The following KIAA1328 variants were observed in gnomAD, a reference collection of about 807,000 sequenced individuals.
The protein encoded by KIAA1328 is KIAA1328.
A neutral mutation model predicts 68.1 loss-of-function variants in KIAA1328; 52 were observed. That is an observed-to-expected ratio of 0.76 (90% confidence interval 0.61 to 0.96). The LOEUF (loss-of-function observed/expected upper bound fraction) is 0.96. Among genes scored for constraint, KIAA1328 ranks in the 40% least tolerant of loss-of-function variants. The pLI, the probability that KIAA1328 is intolerant of heterozygous loss-of-function variation, is 0.00. For synonymous variants in KIAA1328, 232 were observed against 239.4 expected (o/e 0.97, Z 0.28); for missense variants, 641 against 677.6 (o/e 0.95, Z 0.60).
rs770737496 is a variant in KIAA1328, at chr18:37,122,441, TAAGTC to T, written c.1233-37754_1233-37750del. Among the ~76,000 whole-genome samples, 25 of 152,134 alleles carry T rather than the reference TAAGTC, an allele frequency of 1.6e-4. No individual in the cohort carries two copies. The East Asian group carries it at 2.1e-3, about 13-fold the overall frequency. ...ACTTAGAGTCAAAGGTGGGTTTTGT[TAAGTC>T]AAGTAAGTCACAAAGATATTTAAAT... On this transcript the variant is annotated intron_variant, in intron 7 of 9. Transcript: ENST00000280020.
intron 5 of KIAA1328, among the ~76,000 whole-genome samples, chr18:36,887,169 A>G (rs73417113): frequency 0.031 from 4,659 of 150,964 alleles, 256 homozygotes; most frequent in African/African-American, 0.11. Flanking sequence ...TTGACCCTCA[A>G]GATAGTCTTC....
chr18:36,969,141 G>C (rs2052065739), intron 6 of KIAA1328, among the ~76,000 whole-genome samples: 1 of 152,138 alleles, frequency 6.6e-6, no homozygotes, highest in Non-Finnish European at 1.5e-5. Flanking sequence ...CTAAGGCAGT[G>C]TTAAAAGGGA....
intron 7 of KIAA1328, among the ~76,000 whole-genome samples, chr18:37,114,344 G>T (rs898193739): frequency 6.6e-6 from 1 of 152,172 alleles, no homozygotes; most frequent in African/African-American, 2.4e-5. Flanking sequence ...TAGAACTCAG[G>T]ATTAAGAAAC....
chr18:37,215,163 C>T (rs536827811), intron 9 of KIAA1328, among the ~76,000 whole-genome samples: 69 of 152,282 alleles, frequency 4.5e-4, no homozygotes, highest in African/African-American at 1.6e-3. Context: ...CCTGATTGCC[C>T]TGGCCAGAAC....
At chr18:37,139,637 GACTA>G (rs2154207930) in intron 7 of KIAA1328, among the ~76,000 whole-genome samples, 1 of 152,230 alleles carries the variant, frequency 6.6e-6, no homozygotes, top group East Asian at 1.9e-4. Flanking sequence ...TGAGATGAGC[GACTA>G]ACTAAAACAA....
chr18:36,884,251 G>A (rs1266140577), intron 4 of KIAA1328, among the ~76,000 whole-genome samples: 1 of 152,084 alleles, frequency 6.6e-6, no homozygotes, highest in Non-Finnish European at 1.5e-5. Flanking sequence ...GTATGTATTT[G>A]TTTAGTTGTC....
At chr18:37,201,570 G>T (rs1449612614) in intron 9 of KIAA1328, among the ~76,000 whole-genome samples, 2 of 152,144 alleles carry the variant, frequency 1.3e-5, no homozygotes, top group African/African-American at 2.4e-5. Context: ...TACCTGGTAT[G>T]ATTGTTTGCA....
chr18:36,868,611 A>G (rs1247567015), intron 4 of KIAA1328, among the ~76,000 whole-genome samples: 1 of 152,146 alleles, frequency 6.6e-6, no homozygotes, highest in Admixed American at 6.5e-5. Context: ...AAAGGAAAAA[A>G]GTTTCAAAGT....
intron 6 of KIAA1328, among the ~76,000 whole-genome samples, chr18:36,979,418 CTT>C (rs1241164539): frequency 1.3e-5 from 2 of 151,982 alleles, no homozygotes; most frequent in East Asian, 3.9e-4. Flanking sequence ...AATAAAGAAA[CTT>C]TTATTCTTCA....
chr18:37,199,362 C>T (rs950603394), intron 9 of KIAA1328, among the ~76,000 whole-genome samples: 4 of 152,264 alleles, frequency 2.6e-5, no homozygotes, highest in Non-Finnish European at 4.4e-5. Context: ...GTTTTCTGTT[C>T]GTGCATTAGT....
chr18:36,840,102 A>C (rs1340816858), intron 3 of KIAA1328, among the ~76,000 whole-genome samples: 1 of 152,118 alleles, frequency 6.6e-6, no homozygotes, highest in African/African-American at 2.4e-5. Context: ...GTATCTTTTC[A>C]ACTCAGGGAG....
chr18:36,921,564 G>A (rs1211668595), intron 5 of KIAA1328, among the ~76,000 whole-genome samples: 3 of 151,472 alleles, frequency 2.0e-5, no homozygotes, highest in Non-Finnish European at 4.4e-5. Flanking sequence ...CCACCACACC[G>A]AGCTAATTTT....
intron 7 of KIAA1328, among the ~76,000 whole-genome samples, chr18:37,086,269 G>A (rs1328239806): frequency 3.3e-5 from 5 of 152,160 alleles, no homozygotes; most frequent in African/African-American, 7.2e-5. Flanking sequence ...TAAGGTGATG[G>A]ATTTGTTAAC....
chr18:36,886,421 G>T (rs1288286944), intron 5 of KIAA1328: 1 of 152,084 alleles, frequency 6.6e-6, no homozygotes, highest in Non-Finnish European at 1.5e-5. Flanking sequence ...TGTTGTAATT[G>T]GTAAGTGTTT....
chr18:36,831,235 A>G (rs2046480763), intron 1 of KIAA1328, among the ~76,000 whole-genome samples: 1 of 152,228 alleles, frequency 6.6e-6, no homozygotes, highest in Admixed American at 6.5e-5. Context: ...GAGAAATGTG[A>G]TGGAGAGATT....
intron 6 of KIAA1328, among the ~76,000 whole-genome samples, chr18:37,016,587 G>T (rs943181562): frequency 6.6e-6 from 1 of 152,068 alleles, no homozygotes; most frequent in Non-Finnish European, 1.5e-5. Context: ...AATCCATCTG[G>T]TCTGGGGCTT....
At chr18:36,838,243 TTGTC>T (rs1264136907) in intron 3 of KIAA1328, among the ~76,000 whole-genome samples, 1 of 152,198 alleles carries the variant, frequency 6.6e-6, no homozygotes, top group East Asian at 1.9e-4. Flanking sequence ...TAAGATGAAG[TTGTC>T]TGTGAATAGA....
At chr18:37,133,316 GAAAAA>G (rs879536664) in intron 7 of KIAA1328, among the ~76,000 whole-genome samples, 1 of 120,014 alleles carries the variant, frequency 8.3e-6, no homozygotes, top group Admixed American at 8.5e-5. Context: ...TGGGCAATAA[GAAAAA>G]AAAAAAAAAA....
intron 6 of KIAA1328, among the ~76,000 whole-genome samples, chr18:37,043,776 C>T (rs768766687): frequency 4.6e-5 from 7 of 152,180 alleles, no homozygotes; most frequent in Admixed American, 2.0e-4. Context: ...TGAATGTGCA[C>T]ACAGACTTGA....
Sources: gnomAD v4.1 joint callset for allele counts (sites outside exome capture counted in the v4.1 genomes callset) on GRCh38, gnomAD v4.1.1 for gene constraint, MANE v1.5 for transcripts, NCBI Gene and HGNC (gene_info 2026-07-23, HGNC 2026-07-21) for gene names.